The following MMP16 variants were observed in gnomAD, a reference collection of about 807,000 sequenced individuals.
MMP16 encodes the protein matrix metallopeptidase 16.
Under a neutral mutation model 67.8 loss-of-function variants are expected in MMP16, and 12 were observed. The observed-to-expected ratio is 0.18, with a 90% CI of 0.11 to 0.29. MMP16 has a LOEUF of 0.29. Among genes scored for constraint, MMP16 ranks in the 10% least tolerant of loss-of-function variants. The pLI is 1.00. For synonymous variants in MMP16, 249 were observed against 255.9 expected, an observed-to-expected ratio of 0.97 and a Z score of 0.26; for missense variants, 475 against 765.7, an observed-to-expected ratio of 0.62 and a Z score of 4.48.
chr8:88,197,048 C>T (rs747651912), intron 2 of MMP16, 110 bp downstream of exon 2: 3 of 1,023,126 alleles, frequency 2.9e-6, no homozygotes, highest in Non-Finnish European at 4.2e-6. Context: ...AAAGAAAGTT[C>T]ATGAGACAAA....
At chr8:88,206,720 G>A (rs1249530973) in intron 1 of MMP16, among the ~76,000 whole-genome samples, 1 of 152,150 alleles carries the variant, frequency 6.6e-6, no homozygotes, top group Non-Finnish European at 1.5e-5. Flanking sequence ...TTAGAAGTCT[G>A]GTGATGGTTT....
intron 7 of MMP16, among the ~76,000 whole-genome samples, chr8:88,059,513 G>A (rs1426104471): frequency 6.6e-6 from 1 of 152,066 alleles, no homozygotes; most frequent in East Asian, 1.9e-4. Context: ...TCTTTGGGTA[G>A]ATGGAATACT....
chr8:88,305,406 T>C (rs1407714853), intron 1 of MMP16, among the ~76,000 whole-genome samples: 2 of 152,118 alleles, frequency 1.3e-5, no homozygotes, highest in Non-Finnish European at 2.9e-5. Context: ...AACAAAGATA[T>C]TCGGGACTTG....
intron 1 of MMP16, among the ~76,000 whole-genome samples, chr8:88,202,192 G>A (rs1161701703): frequency 3.3e-5 from 5 of 152,074 alleles, no homozygotes; most frequent in Non-Finnish European, 2.9e-5. Flanking sequence ...GAAATGGAAA[G>A]GAAATAGTGA....
At chr8:88,161,203 T>G (rs1808615522) in intron 4 of MMP16, among the ~76,000 whole-genome samples, 1 of 152,164 alleles carries the variant, frequency 6.6e-6, no homozygotes, top group Non-Finnish European at 1.5e-5. Flanking sequence ...GGTAGGCTAT[T>G]AATTATTGTC....
chr8:88,202,491 G>A (rs1809358716), intron 1 of MMP16, among the ~76,000 whole-genome samples: 1 of 152,156 alleles, frequency 6.6e-6, no homozygotes, highest in South Asian at 2.1e-4. Context: ...AGAGAGCAGT[G>A]CCCTTACCTG....
At chr8:88,121,332 T>C (rs537539712) in intron 4 of MMP16, among the ~76,000 whole-genome samples, 1 of 152,122 alleles carries the variant, frequency 6.6e-6, no homozygotes, top group Non-Finnish European at 1.5e-5. Context: ...TACAGCACTT[T>C]TAATCAGAAA....
chr8:88,311,148 C>G (rs561959840), intron 1 of MMP16, among the ~76,000 whole-genome samples: 8 of 151,868 alleles, frequency 5.3e-5, no homozygotes, highest in Non-Finnish European at 1.2e-4. Context: ...GATTTAGAGA[C>G]GGCTCACTAA....
chr8:88,237,421 G>A (rs1409337860), intron 1 of MMP16, among the ~76,000 whole-genome samples: 2 of 151,940 alleles, frequency 1.3e-5, no homozygotes, highest in Non-Finnish European at 2.9e-5. Flanking sequence ...AGGCCGAGGC[G>A]GGTGGATCAC....
intron 1 of MMP16, among the ~76,000 whole-genome samples, chr8:88,255,466 C>T (rs1402004978): frequency 6.6e-6 from 1 of 152,134 alleles, no homozygotes; most frequent in African/African-American, 2.4e-5. Context: ...GACTAACACA[C>T]ATACAAACTC....
At chr8:88,234,356 A>T (rs1298309942) in intron 1 of MMP16, among the ~76,000 whole-genome samples, 1 of 152,214 alleles carries the variant, frequency 6.6e-6, no homozygotes, top group African/African-American at 2.4e-5. Context: ...AGAATTTAAT[A>T]AAAGTTGAAG....
chr8:88,086,158 T>C lies in MMP16; in HGVS notation c.1084-11415A>G, dbSNP rs538435082. Among the ~76,000 whole-genome samples, 3 of 151,926 alleles carry C rather than the reference T, an allele frequency of 2.0e-5. No homozygotes were observed. In the South Asian group the frequency reaches 6.2e-4, roughly 32 times the overall value. On this transcript the variant is annotated intron_variant, in intron 6 of 9. Transcript: ENST00000286614. Reference sequence around the variant, plus strand: ...GCTGACACTCTTTTCTTTTTAGGTATTTATATCTTTTTCCTGTTTCTTCTT... The same window carrying C: ...GCTGACACTCTTTTCTTTTTAGGTACTTATATCTTTTTCCTGTTTCTTCTT...
At chr8:88,052,772 G>C (rs1342049627) in intron 8 of MMP16, among the ~76,000 whole-genome samples, 1 of 152,138 alleles carries the variant, frequency 6.6e-6, no homozygotes, top group Non-Finnish European at 1.5e-5. Context: ...GCATCCACCT[G>C]CAACACATTG....
intron 1 of MMP16, among the ~76,000 whole-genome samples, chr8:88,271,608 C>T (rs1170220681): frequency 5.3e-5 from 8 of 152,238 alleles, no homozygotes; most frequent in African/African-American, 7.2e-5. Context: ...ATTCTCCTGC[C>T]GCAGCCTCCT....
At chr8:88,281,153 A>C (rs895725120) in intron 1 of MMP16, among the ~76,000 whole-genome samples, 2 of 152,216 alleles carry the variant, frequency 1.3e-5, no homozygotes, top group Non-Finnish European at 2.9e-5. Context: ...GGTTATCAAT[A>C]CAGATAGAAT....
intron 7 of MMP16, 138 bp downstream of exon 7, chr8:88,074,467 T>C: frequency 1.5e-6 from 1 of 688,544 alleles, no homozygotes; most frequent in African/African-American, 1.9e-5. Flanking sequence ...TTATCTTCAT[T>C]TATATTTCTA....
chr8:88,150,737 G>T (rs1186088444), intron 4 of MMP16, among the ~76,000 whole-genome samples: 2 of 148,432 alleles, frequency 1.3e-5, no homozygotes, highest in African/African-American at 5.0e-5. Flanking sequence ...AGGAACAACC[G>T]GTACCAGCCG....
In MMP16 at chr8:88,116,495, A is replaced by G. The variant is rs1426712485; in HGVS notation, c.1083+12T>C. 1 of 1,604,578 alleles carries G rather than the reference A, an allele frequency of 6.2e-7. No homozygotes were observed. The highest frequency in any genetic ancestry group is 8.5e-7 in the Non-Finnish European group (1 of 1,174,732). On this transcript the variant is annotated intron_variant, in intron 6 of 9. Transcript: ENST00000286614. ...ATCTACTGTTAAAAAAAAAAAAATC[A>G]CAGTCTCCTACCTTGAAAACAAACA...
chr8:88,166,115 A>G (rs1808706610), intron 4 of MMP16, among the ~76,000 whole-genome samples: 1 of 152,072 alleles, frequency 6.6e-6, no homozygotes, highest in African/African-American at 2.4e-5. Context: ...ACACGAGAGA[A>G]CCCTGGGTAT....
Sources: allele counts gnomAD v4.1 joint callset (sites outside exome capture counted in the v4.1 genomes callset), GRCh38; gene constraint gnomAD v4.1.1; transcripts MANE v1.5; gene names NCBI Gene and HGNC (gene_info 2026-07-23, HGNC 2026-07-21).